The following TMEM63C variants were observed in gnomAD, a reference collection of about 807,000 sequenced individuals.
The protein encoded by TMEM63C is transmembrane protein 63C.
A neutral mutation model predicts 99.2 loss-of-function variants in TMEM63C; 32 were observed. The observed-to-expected ratio is 0.32, with a 90% confidence interval of 0.24 to 0.43. The LOEUF is 0.43. TMEM63C is among the 20% of genes least tolerant of loss of function. The pLI is 1.00. For synonymous variants in TMEM63C, 376 were observed against 397.9 expected (o/e 0.94, Z 0.66); for missense variants, 826 against 1,053.0 (o/e 0.78, Z 2.98).
chr14:77,253,189 G>GT, intron 22 of TMEM63C, 116 bp from the exon 23 acceptor site: 1 of 884,786 alleles, frequency 1.1e-6, no homozygotes, highest in Non-Finnish European at 1.8e-6. Context: ...AAAGACAGAA[G>GT]ATGAGTTGAG....
chr14:77,225,420 G>A lies in TMEM63C; in HGVS notation c.313-4G>A, dbSNP rs1348898364. The A allele has an allele frequency of 3.3e-5, 53 of 1,612,526 alleles. No individual in the cohort carries two copies. The highest frequency in any genetic ancestry group is 4.2e-5 in the Non-Finnish European group (49 of 1,179,410). ...TTCTCACAGTTTCTCTCCTTTCCCCGCAGGGATTCTGTTCCTGGTTCTTCA... is the reference window on the plus strand; with the variant it reads ...TTCTCACAGTTTCTCTCCTTTCCCCACAGGGATTCTGTTCCTGGTTCTTCA... On this transcript the variant is annotated splice_polypyrimidine_tract_variant and splice_region_variant and intron_variant, in intron 5 of 23. Transcript: ENST00000298351.
chr14:77,188,815 A>G (rs36088541), intron 1 of TMEM63C, among the ~76,000 whole-genome samples: 8,173 of 152,014 alleles, frequency 0.054, 292 homozygotes, highest in Non-Finnish European at 0.085. Context: ...TCAGTGAGCT[A>G]TGATTGTGCC....
chr14:77,210,499 G>C (rs1357865415), intron 1 of TMEM63C, among the ~76,000 whole-genome samples: 1 of 152,174 alleles, frequency 6.6e-6, no homozygotes, highest in African/African-American at 2.4e-5. Flanking sequence ...AAAGATTTAT[G>C]GCCAGCAGAC....
Position 77,219,456 on chromosome 14 carries a change from C to A in TMEM63C, c.151-42C>A, listed in dbSNP as rs376791480. 5 of 1,598,148 alleles carry A rather than the reference C, an allele frequency of 3.1e-6. No individual in the cohort carries two copies. In the African/African-American group the frequency reaches 5.4e-5, roughly 17 times the overall value. Reference sequence around the variant, plus strand: ...AGGGGGCCAGCCAAGGGGAAGGGATCCATGAAGTCTCCCACCCCACATTGC... The same window carrying A: ...AGGGGGCCAGCCAAGGGGAAGGGATACATGAAGTCTCCCACCCCACATTGC... On this transcript the variant is annotated intron_variant, in intron 3 of 23. Coordinates refer to ENST00000298351, the MANE Select transcript of TMEM63C (RefSeq NM_020431.4).
At chr14:77,250,462 C>T (rs1396954581) in intron 21 of TMEM63C, among the ~76,000 whole-genome samples, 6 of 148,190 alleles carry the variant, frequency 4.0e-5, no homozygotes, top group Non-Finnish European at 1.5e-5. Context: ...TTTTTAGAGA[C>T]GGAGTCTCGC....
intron 1 of TMEM63C, among the ~76,000 whole-genome samples, chr14:77,193,037 A>G (rs60803895): frequency 0.096 from 14,584 of 152,296 alleles, 1,041 homozygotes; most frequent in African/African-American, 0.21. Flanking sequence ...AATTTGCAAT[A>G]CACATGACAA....
chr14:77,187,952 G>A (rs1888032562), intron 1 of TMEM63C, among the ~76,000 whole-genome samples: 1 of 152,166 alleles, frequency 6.6e-6, no homozygotes, highest in African/African-American at 2.4e-5. Flanking sequence ...TGGGGCGGGG[G>A]GATGTGTCAG....
At chr14:77,211,032 T>C (rs1888487719) in intron 1 of TMEM63C, among the ~76,000 whole-genome samples, 1 of 152,186 alleles carries the variant, frequency 6.6e-6, no homozygotes, top group Non-Finnish European at 1.5e-5. Flanking sequence ...GACTGGGCCC[T>C]GGGCTGTGCT....
rs762539034 is a variant in TMEM63C, at chr14:77,219,551, C to T, written c.204C>T (p.Arg68=). Residue 68 remains arginine (R), a synonymous_variant, in exon 4 of 24, where the codon CGC becomes CGT. Coordinates refer to ENST00000298351, the MANE Select transcript of TMEM63C (RefSeq NM_020431.4). ...GGAAAGCTGCGTGGGACTATGGGCGCCTGGCTCTGCTGATACACAATGACA... is the reference window on the plus strand; with the variant it reads ...GGAAAGCTGCGTGGGACTATGGGCGTCTGGCTCTGCTGATACACAATGACA... The part of the protein sequence containing the change: ...FLRKAAWDYG[R]LALLIHNDSL... 6.2e-7 allele frequency: 1 copy of T among 1,613,876 alleles called. No individual in the cohort carries two copies. The highest frequency in any genetic ancestry group is 2.2e-5 in the East Asian group (1 of 44,898).
chr14:77,182,725 T>C (rs1887935149), intron 1 of TMEM63C, among the ~76,000 whole-genome samples: 1 of 152,132 alleles, frequency 6.6e-6, no homozygotes, highest in Admixed American at 6.5e-5. Context: ...ATCATGGGTG[T>C]AAGCAGCAAT....
intron 1 of TMEM63C, among the ~76,000 whole-genome samples, chr14:77,212,890 G>T (rs1169583684): frequency 6.6e-6 from 1 of 152,184 alleles, no homozygotes; most frequent in Non-Finnish European, 1.5e-5. Flanking sequence ...GTAACTAGGG[G>T]TCCTCCCAGG....
intron 1 of TMEM63C, among the ~76,000 whole-genome samples, chr14:77,183,044 T>C (rs920225219): frequency 6.6e-6 from 1 of 152,176 alleles, no homozygotes; most frequent in African/African-American, 2.4e-5. Flanking sequence ...CTATTGCCCT[T>C]AGAAGTGAAC....
At chr14:77,250,654 G>A (rs907903590) in intron 21 of TMEM63C, among the ~76,000 whole-genome samples, 3 of 152,114 alleles carry the variant, frequency 2.0e-5, no homozygotes, top group East Asian at 1.9e-4. Flanking sequence ...TGCCCAGGCT[G>A]GTCTCGAACT....
intron 2 of TMEM63C, among the ~76,000 whole-genome samples, chr14:77,214,678 C>T (rs1193069422): frequency 6.6e-6 from 1 of 151,956 alleles, no homozygotes; most frequent in African/African-American, 2.4e-5. Context: ...CACTGTCTCC[C>T]CAGTTTTTTT....
chr14:77,256,625 G>C lies in TMEM63C; in HGVS notation c.2320G>C (p.Glu774Gln), dbSNP rs376169418. The C allele has an allele frequency of 6.2e-7, 1 of 1,614,066 alleles. No individual in the cohort carries two copies. Among genetic ancestry groups the C allele is most frequent in the Admixed American group, 1.7e-5 (1 of 60,038 alleles). Residue 774 changes from glutamate (E) to glutamine (Q), a missense_variant, in exon 24 of 24, where the codon GAG becomes CAG. Coordinates refer to ENST00000298351, the MANE Select transcript of TMEM63C (RefSeq NM_020431.4). The part of the protein sequence containing the change: ...TYGTMNNQPE[E>Q]GEEESGLRGF... ...TGGCACCATGAACAACCAGCCGGAAGAGGGAGAAGAAGAGAGTGGTCTGAG... is the reference window on the plus strand; with the variant it reads ...TGGCACCATGAACAACCAGCCGGAACAGGGAGAAGAAGAGAGTGGTCTGAG...
At chr14:77,248,592 G>A (rs1310669632) in intron 19 of TMEM63C, 83 bp downstream of exon 19, 1 of 1,538,040 alleles carries the variant, frequency 6.5e-7, no homozygotes. Flanking sequence ...AAGCACCAAG[G>A]GGGTTGAGGT....
intron 2 of TMEM63C, among the ~76,000 whole-genome samples, chr14:77,214,541 T>C (rs931546193): frequency 3.9e-5 from 6 of 152,008 alleles, no homozygotes; most frequent in African/African-American, 1.5e-4. Context: ...CTTGGCAACA[T>C]TGAGACTCTT....
At chr14:77,250,971 T>C (rs1016201978) in intron 21 of TMEM63C, among the ~76,000 whole-genome samples, 3 of 152,212 alleles carry the variant, frequency 2.0e-5, no homozygotes, top group Admixed American at 6.5e-5. Flanking sequence ...GGCATGCGCT[T>C]TGGGGCTTTG....
chr14:77,255,805 C>T (rs888059), intron 23 of TMEM63C, among the ~76,000 whole-genome samples: 64,379 of 152,138 alleles, frequency 0.42, 15,909 homozygotes, highest in African/African-American at 0.66. Context: ...ATCTAGATGG[C>T]TTACTTTGGC....
Sources: gnomAD v4.1 joint callset for allele counts (sites outside exome capture counted in the v4.1 genomes callset) on GRCh38, gnomAD v4.1.1 for gene constraint, MANE v1.5 for transcripts, NCBI Gene and HGNC (gene_info 2026-07-23, HGNC 2026-07-21) for gene names.